Variants in CEP85L observed in about 807,000 individuals in gnomAD.
CEP85L encodes centrosomal protein of 85 kDa-like.
In CEP85L, 60 loss-of-function variants were observed where a neutral mutation model predicts 100.3. The observed-to-expected ratio is 0.60, with a 90% CI of 0.49 to 0.74. CEP85L has a LOEUF of 0.74. Among genes scored for constraint, CEP85L ranks in the 30% least tolerant of loss-of-function variants. The pLI is 0.00. For synonymous variants in CEP85L, 319 were observed against 322.7 expected, an observed-to-expected ratio of 0.99 and a Z score of 0.12; for missense variants, 973 against 936.2, an observed-to-expected ratio of 1.04 and a Z score of -0.51.
chr6:118,584,031 C>T (rs943750883), intron 2 of CEP85L, among the ~76,000 whole-genome samples: 1 of 152,212 alleles, frequency 6.6e-6, no homozygotes, highest in Admixed American at 6.5e-5. Flanking sequence ...TTAACACTGA[C>T]GGTGCTGCCT....
intron 3 of CEP85L, among the ~76,000 whole-genome samples, chr6:118,539,428 C>T (rs2114868810): frequency 6.6e-6 from 1 of 152,248 alleles, no homozygotes; most frequent in South Asian, 2.1e-4. Flanking sequence ...TGTGTAAGTA[C>T]ACTCTACGAT....
chr6:118,480,915 G>T (rs1454788131), intron 8 of CEP85L, among the ~76,000 whole-genome samples: 2 of 151,946 alleles, frequency 1.3e-5, no homozygotes, highest in Admixed American at 6.6e-5. Flanking sequence ...CACATCTTTT[G>T]TTCTTTATTC....
chr6:118,683,466 AG>A, intron 1 of CEP85L, among the ~76,000 whole-genome samples: 1 of 152,188 alleles, frequency 6.6e-6, no homozygotes, highest in South Asian at 2.1e-4. Context: ...CTAGAGGGAA[AG>A]GAGGGTAACA....
chr6:118,513,806 G>T (rs1261708055), intron 4 of CEP85L, among the ~76,000 whole-genome samples: 1 of 151,962 alleles, frequency 6.6e-6, no homozygotes, highest in Non-Finnish European at 1.5e-5. Context: ...ATGAAAACCT[G>T]AATTTACACA....
intron 1 of CEP85L, among the ~76,000 whole-genome samples, chr6:118,645,030 A>G (rs561663441): frequency 6.6e-6 from 1 of 152,338 alleles, no homozygotes; most frequent in East Asian, 1.9e-4. Context: ...ATCTTCTGAC[A>G]TGCAGAATAG....
At chr6:118,605,749 G>A (rs1056103044) in intron 2 of CEP85L, among the ~76,000 whole-genome samples, 4 of 152,174 alleles carry the variant, frequency 2.6e-5, no homozygotes, top group Middle Eastern at 3.4e-3. Context: ...ACCATGGCTC[G>A]GGCCTGTAAT....
upstream of CEP85L, chr6:118,651,780 C>A: frequency 1.0e-6 from 1 of 986,180 alleles, no homozygotes; most frequent in Non-Finnish European, 1.2e-6. Flanking sequence ...TCCCGCCCTC[C>A]CGCCGCATCC....
chr6:118,600,300 G>GGGGGGGTGTGTGTGTGTGTGTGTGT (rs1562297733), intron 2 of CEP85L, among the ~76,000 whole-genome samples: 1 of 52,236 alleles, frequency 1.9e-5, no homozygotes, highest in Non-Finnish European at 4.0e-5. Context: ...CCTTCCTGGG[G>GGGGGGGTGTGTGTGTGTGTGTGTGT]GTGTGTGTGT....
chr6:118,574,002 T>G (rs887739815), intron 2 of CEP85L: 2 of 152,250 alleles, frequency 1.3e-5, no homozygotes, highest in Non-Finnish European at 2.9e-5. Context: ...TAAAGCAAGA[T>G]GAAAAGCTGG....
intron 3 of CEP85L, among the ~76,000 whole-genome samples, chr6:118,557,247 C>T (rs1562258163): frequency 2.6e-5 from 4 of 152,120 alleles, no homozygotes; most frequent in Non-Finnish European, 5.9e-5. Flanking sequence ...ATCCAGGGAA[C>T]AATTTGTTGT....
intron 1 of CEP85L, among the ~76,000 whole-genome samples, chr6:118,671,886 G>A (rs1177751032): frequency 6.6e-6 from 1 of 152,154 alleles, no homozygotes; most frequent in Admixed American, 6.5e-5. Flanking sequence ...GCAGTGAGCT[G>A]AGATGGTGCC....
At chr6:118,527,300 C>T (rs1262760069) in intron 3 of CEP85L, among the ~76,000 whole-genome samples, 1 of 152,022 alleles carries the variant, frequency 6.6e-6, no homozygotes, top group Non-Finnish European at 1.5e-5. Flanking sequence ...CCACCGCGTC[C>T]GGCTCTACTT....
At chr6:118,703,942 A>C (rs986701477) in intron 1 of CEP85L, among the ~76,000 whole-genome samples, 2 of 152,222 alleles carry the variant, frequency 1.3e-5, no homozygotes, top group Non-Finnish European at 2.9e-5. Context: ...ATAAAAATGT[A>C]TCTCTGTTGA....
At chr6:118,518,619 C>T (rs1350381514) in intron 4 of CEP85L, among the ~76,000 whole-genome samples, 3 of 152,226 alleles carry the variant, frequency 2.0e-5, no homozygotes, top group Middle Eastern at 6.8e-3. Context: ...ATTCTTCTCT[C>T]TTTTCTTCTT....
At chr6:118,667,611 A>G (rs1053440945) in intron 1 of CEP85L, among the ~76,000 whole-genome samples, 2 of 152,214 alleles carry the variant, frequency 1.3e-5, no homozygotes, top group African/African-American at 4.8e-5. Flanking sequence ...TCATTTAGGA[A>G]GAAGAAAAAA....
chr6:118,482,168 G>A (rs950649441), intron 7 of CEP85L, among the ~76,000 whole-genome samples: 9 of 151,984 alleles, frequency 5.9e-5, no homozygotes, highest in African/African-American at 2.2e-4. Context: ...GTAGAAGACC[G>A]AGAAAGGTTA....
chr6:118,507,249 C>T (rs1388511840), intron 5 of CEP85L, among the ~76,000 whole-genome samples: 1 of 152,154 alleles, frequency 6.6e-6, no homozygotes, highest in Non-Finnish European at 1.5e-5. Flanking sequence ...ATTCTCTCAC[C>T]ACATTAAATA....
Position 118,576,542 on chromosome 6 carries a change from T to G in CEP85L, c.233-10226A>C, listed in dbSNP as rs529304152. Among the ~76,000 whole-genome samples the G allele has an allele frequency of 8.7e-4, 132 of 152,348 alleles. 4 individuals are homozygous for G. In the South Asian group the frequency reaches 0.025, roughly 28 times the overall value. ...TACTGTTAATGTAACTATGCTTGTCTAGTCTTACCTTGTGGAGATCTCCAA... is the reference window on the plus strand; with the variant it reads ...TACTGTTAATGTAACTATGCTTGTCGAGTCTTACCTTGTGGAGATCTCCAA... On this transcript the variant is annotated intron_variant, in intron 2 of 12. Coordinates refer to ENST00000368491, the MANE Select transcript of CEP85L (RefSeq NM_001042475.3).
intron 2 of CEP85L, among the ~76,000 whole-genome samples, chr6:118,595,292 T>C (rs1348937460): frequency 6.9e-6 from 1 of 145,624 alleles, no homozygotes; most frequent in Admixed American, 6.8e-5. Flanking sequence ...CGTAGATCTA[T>C]TTCCTTCCAA....
Sources: allele counts gnomAD v4.1 joint callset (sites outside exome capture counted in the v4.1 genomes callset), GRCh38; gene constraint gnomAD v4.1.1; transcripts MANE v1.5; gene names NCBI Gene and HGNC (gene_info 2026-07-23, HGNC 2026-07-21).